Variants in NLGN1 observed in about 807,000 individuals in gnomAD.
The protein encoded by NLGN1 is neuroligin-1.
In NLGN1, 12 loss-of-function variants were observed where a neutral mutation model predicts 65.5. The observed-to-expected ratio is 0.18, with a 90% CI of 0.12 to 0.30. The LOEUF (loss-of-function observed/expected upper bound fraction) is 0.30. Ranked by LOEUF, NLGN1 falls within the 10% of genes least tolerant of loss-of-function variation. NLGN1 has a pLI of 1.00. For missense variants in NLGN1, 750 were observed against 1,007.1 expected (o/e 0.74, Z 3.46); for synonymous variants, 350 against 359.5 (o/e 0.97, Z 0.30).
rs757620908 is a variant in NLGN1 at position 173,447,448 on chromosome 3, G to T, written c.-321+12370G>T. ...TATCTCTGTTTTGGTACCAGTACCA[G>T]GCTGTTTTGGTTACTGTAGCCTTGT... On this transcript the variant is annotated intron_variant, in intron 2 of 6. Transcript: ENST00000457714. Among the ~76,000 whole-genome samples the T allele has an allele frequency of 2.2e-3, 329 of 152,262 alleles. 1 individual carries two copies. Among genetic ancestry groups the T allele is most frequent in the Middle Eastern group, 6.8e-3 (2 of 294 alleles).
intron 3 of NLGN1, among the ~76,000 whole-genome samples, chr3:173,659,760 T>C (rs1760645316): frequency 6.6e-6 from 1 of 151,510 alleles, no homozygotes; most frequent in Non-Finnish European, 1.5e-5. Context: ...TGTGTGCGTG[T>C]GTATGTGTGT....
At chr3:173,682,194 A>G (rs1324346271) in intron 3 of NLGN1, among the ~76,000 whole-genome samples, 1 of 152,138 alleles carries the variant, frequency 6.6e-6, no homozygotes. Context: ...TATGTACAAC[A>G]CTTCATTTAG....
intron 4 of NLGN1, among the ~76,000 whole-genome samples, chr3:174,151,476 G>A (rs943222305): frequency 2.0e-5 from 3 of 152,046 alleles, no homozygotes; most frequent in Admixed American, 6.6e-5. Flanking sequence ...CATAATATGG[G>A]CTTGCATTTC....
intron 4 of NLGN1, among the ~76,000 whole-genome samples, chr3:174,215,442 T>C (rs1387620718): frequency 1.3e-5 from 2 of 152,186 alleles, no homozygotes; most frequent in African/African-American, 2.4e-5. Flanking sequence ...ACCTCCTGCC[T>C]ATTATTGAGC....
intron 3 of NLGN1, among the ~76,000 whole-genome samples, chr3:173,745,734 A>G (rs1354217490): frequency 3.3e-5 from 5 of 152,146 alleles, no homozygotes; most frequent in Admixed American, 3.3e-4. Context: ...GCAATATGCC[A>G]TGGCTATTGG....
At position 173,504,992 on chromosome 3, in the gene NLGN1, C is replaced by T. The variant is rs143999970; in HGVS notation, c.-321+69914C>T. Reference sequence around the variant, plus strand: ...GTTTGATATCTTCAGTTGACTCTCTCATGGACACCTCAAGTTTAACAAGTC... The same window carrying T: ...GTTTGATATCTTCAGTTGACTCTCTTATGGACACCTCAAGTTTAACAAGTC... On this transcript the variant is annotated intron_variant, in intron 2 of 6. Transcript: ENST00000457714. Among the ~76,000 whole-genome samples the T allele has an allele frequency of 6.2e-4, 95 of 152,158 alleles. 1 individual carries two copies. Among genetic ancestry groups the T allele is most frequent in the African/African-American group, 2.1e-3 (88 of 41,548 alleles).
At chr3:174,088,813 G>T (rs375617136) in intron 4 of NLGN1, among the ~76,000 whole-genome samples, 1 of 147,190 alleles carries the variant, frequency 6.8e-6, no homozygotes, top group African/African-American at 2.5e-5. Context: ...AATAAAACTA[G>T]ATTATTTTTT....
chr3:173,635,127 A>G (rs771465896), intron 3 of NLGN1, among the ~76,000 whole-genome samples: 78 of 152,170 alleles, frequency 5.1e-4, no homozygotes, highest in Non-Finnish European at 2.2e-4. Flanking sequence ...TATTAATAAT[A>G]TGAATGATAA....
intron 4 of NLGN1, among the ~76,000 whole-genome samples, chr3:174,203,509 C>G (rs1304902442): frequency 2.6e-5 from 4 of 152,090 alleles, no homozygotes; most frequent in Non-Finnish European, 2.9e-5. Flanking sequence ...TCAGGACTTT[C>G]TTCTGCTGCC....
intron 3 of NLGN1, among the ~76,000 whole-genome samples, chr3:173,624,880 A>ATT (rs56269530): frequency 6.6e-5 from 10 of 150,412 alleles, no homozygotes; most frequent in Admixed American, 2.0e-4. Context: ...CTTTATTTAT[A>ATT]TTTTTTTTCT....
At chr3:173,994,078 C>G (rs1053186044) in intron 4 of NLGN1, among the ~76,000 whole-genome samples, 8 of 151,676 alleles carry the variant, frequency 5.3e-5, no homozygotes, top group African/African-American at 1.9e-4. Flanking sequence ...GGAAAAATAA[C>G]CTAAAGTTGA....
At chr3:173,944,271 C>T (rs900002133) in intron 4 of NLGN1, among the ~76,000 whole-genome samples, 1 of 151,554 alleles carries the variant, frequency 6.6e-6, no homozygotes, top group Non-Finnish European at 1.5e-5. Flanking sequence ...TGGTAATTCC[C>T]AATTGAGCCT....
chr3:173,583,857 T>TTC (rs1360423957), intron 2 of NLGN1, among the ~76,000 whole-genome samples: 1 of 152,008 alleles, frequency 6.6e-6, no homozygotes, highest in Admixed American at 6.6e-5. Context: ...CCCAAATGAG[T>TTC]AAGAGATTAT....
At chr3:174,090,560 G>C (rs1344908639) in intron 4 of NLGN1, among the ~76,000 whole-genome samples, 1 of 152,118 alleles carries the variant, frequency 6.6e-6, no homozygotes, top group Non-Finnish European at 1.5e-5. Flanking sequence ...AAGGGAGAAA[G>C]AATGCTTGGA....
chr3:174,104,134 C>T (rs1472811916), intron 4 of NLGN1, among the ~76,000 whole-genome samples: 1 of 152,040 alleles, frequency 6.6e-6, no homozygotes, highest in Non-Finnish European at 1.5e-5. Context: ...TTCAAATCGT[C>T]CTTCTTTAAG....
intron 3 of NLGN1, among the ~76,000 whole-genome samples, chr3:173,650,816 C>T (rs1759048401): frequency 2.0e-5 from 3 of 152,038 alleles, no homozygotes; most frequent in African/African-American, 7.2e-5. Flanking sequence ...ATTGGAGAAA[C>T]CTCATATGCT....
At chr3:173,701,636 G>A (rs1560197868) in intron 3 of NLGN1, among the ~76,000 whole-genome samples, 1 of 152,206 alleles carries the variant, frequency 6.6e-6, no homozygotes, top group Non-Finnish European at 1.5e-5. Flanking sequence ...CTAATACACA[G>A]TTATTAATCT....
intron 2 of NLGN1, among the ~76,000 whole-genome samples, chr3:173,604,061 T>G (rs1750982946): frequency 2.0e-5 from 3 of 152,162 alleles, no homozygotes; most frequent in Non-Finnish European, 4.4e-5. Flanking sequence ...CCTGCTTCCA[T>G]GTAAATGTAT....
intron 2 of NLGN1, among the ~76,000 whole-genome samples, chr3:173,526,415 A>G (rs925948180): frequency 2.6e-5 from 4 of 151,562 alleles, no homozygotes; most frequent in African/African-American, 7.3e-5. Flanking sequence ...TTAAATTTCC[A>G]TTTGTGTGAT....
Sources: gnomAD v4.1 joint callset for allele counts (sites outside exome capture counted in the v4.1 genomes callset) on GRCh38, gnomAD v4.1.1 for gene constraint, MANE v1.5 for transcripts, NCBI Gene and HGNC (gene_info 2026-07-23, HGNC 2026-07-21) for gene names.